ASIC2: variants seen among roughly 807,000 people sequenced by gnomAD.
ASIC2 encodes the protein acid sensing ion channel subunit 2.
Under a neutral mutation model 57.3 loss-of-function variants are expected in ASIC2, and 25 were observed. That is an observed-to-expected ratio of 0.44 (90% confidence interval 0.32 to 0.61). The LOEUF (loss-of-function observed/expected upper bound fraction) is 0.61, where lower values mean the gene tolerates loss of function less well. Ranked by LOEUF, ASIC2 falls within the 20% of genes least tolerant of loss-of-function variation. The pLI, the probability that ASIC2 is intolerant of heterozygous loss-of-function variation, is 0.06. For synonymous variants in ASIC2, 319 were observed against 307.5 expected (o/e 1.04, Z -0.39); for missense variants, 641 against 738.1 (o/e 0.87, Z 1.52).
chr17:33,385,814 G>A (rs1909654510), intron 1 of ASIC2, among the ~76,000 whole-genome samples: 1 of 152,172 alleles, frequency 6.6e-6, no homozygotes, highest in African/African-American at 2.4e-5. Context: ...AAGACTGGGT[G>A]GAATGGGCAG....
chr17:33,364,465 A>G (rs1290673376), intron 1 of ASIC2, among the ~76,000 whole-genome samples: 2 of 152,156 alleles, frequency 1.3e-5, no homozygotes, highest in Non-Finnish European at 2.9e-5. Flanking sequence ...TATAATCCCC[A>G]GTGTTAGGGA....
At chr17:33,241,909 C>T (rs1361473869) in intron 1 of ASIC2, among the ~76,000 whole-genome samples, 1 of 152,296 alleles carries the variant, frequency 6.6e-6, no homozygotes, top group Middle Eastern at 3.4e-3. Flanking sequence ...GTGGAGGGAT[C>T]CACTTAAATC....
At chr17:34,032,955 C>T (rs1224480468) in intron 1 of ASIC2, among the ~76,000 whole-genome samples, 4 of 152,226 alleles carry the variant, frequency 2.6e-5, no homozygotes, top group Non-Finnish European at 4.4e-5. Context: ...GACAGATAAA[C>T]AAGACAGAAA....
chr17:33,600,054 G>A (rs183290663), intron 1 of ASIC2, among the ~76,000 whole-genome samples: 9 of 152,160 alleles, frequency 5.9e-5, no homozygotes, highest in South Asian at 2.1e-4. Context: ...CTCTGGTCTC[G>A]TGCATCTCTC....
intron 1 of ASIC2, among the ~76,000 whole-genome samples, chr17:33,659,101 A>G (rs1377934836): frequency 1.3e-5 from 2 of 152,214 alleles, no homozygotes; most frequent in African/African-American, 4.8e-5. Context: ...GAACGCACAC[A>G]CTCAGACCAC....
intron 1 of ASIC2, among the ~76,000 whole-genome samples, chr17:34,021,506 C>T (rs1227773188): frequency 6.6e-6 from 1 of 152,216 alleles, no homozygotes; most frequent in Non-Finnish European, 1.5e-5. Context: ...GCCCCCAGGC[C>T]TGAGTTTAGT....
At chr17:33,281,428 C>T (rs1176409043) in intron 1 of ASIC2, among the ~76,000 whole-genome samples, 2 of 152,214 alleles carry the variant, frequency 1.3e-5, no homozygotes, top group Admixed American at 6.5e-5. Flanking sequence ...CACACCTGTG[C>T]TGTGCTTTTA....
chr17:34,136,813 T>C (rs1309149625), intron 1 of ASIC2, among the ~76,000 whole-genome samples: 1 of 152,208 alleles, frequency 6.6e-6, no homozygotes, highest in Non-Finnish European at 1.5e-5. Context: ...TTTGGCTTTT[T>C]TCATCAGCAC....
intron 1 of ASIC2, among the ~76,000 whole-genome samples, chr17:33,824,781 C>A (rs1912855935): frequency 6.6e-6 from 1 of 152,180 alleles, no homozygotes; most frequent in Non-Finnish European, 1.5e-5. Flanking sequence ...TTGCAAGCCC[C>A]ATGCAAGATG....
At chr17:34,012,507 T>C (rs1906806765) in intron 1 of ASIC2, among the ~76,000 whole-genome samples, 1 of 152,206 alleles carries the variant, frequency 6.6e-6, no homozygotes, top group Non-Finnish European at 1.5e-5. Flanking sequence ...TTGGTCTGCT[T>C]TAAATAATTA....
intron 1 of ASIC2, among the ~76,000 whole-genome samples, chr17:33,389,603 A>G (rs1597710281): frequency 1.3e-5 from 2 of 152,332 alleles, no homozygotes; most frequent in East Asian, 3.9e-4. Context: ...GTAGGAAATT[A>G]ATGATGACTC....
intron 1 of ASIC2, among the ~76,000 whole-genome samples, chr17:33,833,583 G>A (rs1244932836): frequency 6.6e-6 from 1 of 151,962 alleles, no homozygotes; most frequent in African/African-American, 2.4e-5. Flanking sequence ...GGGTGTTGGA[G>A]CAGAAGGAAT....
At chr17:33,662,668 T>TACATAAAAA (rs1555550518) in intron 1 of ASIC2, among the ~76,000 whole-genome samples, 1 of 128,054 alleles carries the variant, frequency 7.8e-6, no homozygotes, top group East Asian at 2.0e-4. Context: ...AATAAATAAA[T>TACATAAAAA]AAGTAAAATA....
At chr17:34,134,869 G>A (rs1037510031) in intron 1 of ASIC2, among the ~76,000 whole-genome samples, 45 of 152,006 alleles carry the variant, frequency 3.0e-4, no homozygotes, top group African/African-American at 8.0e-4. Flanking sequence ...CCCTACCTTC[G>A]CCCACCCATA....
intron 3 of ASIC2, among the ~76,000 whole-genome samples, chr17:33,062,681 C>T (rs566472961): frequency 6.6e-6 from 1 of 152,238 alleles, no homozygotes; most frequent in African/African-American, 2.4e-5. Context: ...ATTAGGTCTG[C>T]TTGGTGCAGA....
chr17:33,879,500 G>A (rs572386410), intron 1 of ASIC2, among the ~76,000 whole-genome samples: 2 of 152,290 alleles, frequency 1.3e-5, no homozygotes, highest in East Asian at 3.9e-4. Flanking sequence ...GATCAAAAGA[G>A]ACAAAGAAGG....
At chr17:33,510,443 A>G (rs1011443778) in intron 1 of ASIC2, among the ~76,000 whole-genome samples, 8 of 152,034 alleles carry the variant, frequency 5.3e-5, no homozygotes, top group African/African-American at 1.7e-4. Flanking sequence ...GCTTGAGAAT[A>G]GGAGTTTGAG....
intron 1 of ASIC2, among the ~76,000 whole-genome samples, chr17:33,876,001 A>C (rs1198242660): frequency 6.6e-6 from 1 of 152,216 alleles, no homozygotes; most frequent in African/African-American, 2.4e-5. Context: ...ACTTCATATC[A>C]AACATATTTA....
At chr17:33,557,310 C>G (rs1489937323) in intron 1 of ASIC2, among the ~76,000 whole-genome samples, 1 of 152,082 alleles carries the variant, frequency 6.6e-6, no homozygotes. Flanking sequence ...AAATTGTTTC[C>G]TAGTCACTAT....
Sources: allele counts gnomAD v4.1 joint callset (sites outside exome capture counted in the v4.1 genomes callset), GRCh38; gene constraint gnomAD v4.1.1; transcripts MANE v1.5; gene names NCBI Gene and HGNC (gene_info 2026-07-23, HGNC 2026-07-21).